Variants in HAPSTR1 observed in about 807,000 individuals in gnomAD.
The protein encoded by HAPSTR1 is HUWE1-associated protein modifying stress responses 1.
At chr16:9,097,075 G>A in the HAPSTR1 span, among the ~76,000 whole-genome samples, 2 of 151,944 alleles carry the variant, frequency 1.3e-5, no homozygotes, top group Non-Finnish European at 2.9e-5. Context: ...CAGTAGCTGG[G>A]ATTACAGGCG....
chr16:9,093,058 T>A, the HAPSTR1 span: 1 of 1,494,118 alleles, frequency 6.7e-7, no homozygotes, highest in South Asian at 1.2e-5. Flanking sequence ...CGTCAGGGTG[T>A]CTGCCCTGCG....
chr16:9,114,573 T>C, the HAPSTR1 span, among the ~76,000 whole-genome samples: 1 of 151,984 alleles, frequency 6.6e-6, no homozygotes, highest in Non-Finnish European at 1.5e-5. Flanking sequence ...TTGCATGATG[T>C]TGGTAGTCGG....
At chr16:9,111,507 G>T in the HAPSTR1 span, 1 of 152,234 alleles carries the variant, frequency 6.6e-6, no homozygotes, top group African/African-American at 2.4e-5. Context: ...GGCATTTTCT[G>T]TGTATTAAGA....
chr16:9,093,397 G>T, the HAPSTR1 span, among the ~76,000 whole-genome samples: 1 of 152,200 alleles, frequency 6.6e-6, no homozygotes, highest in African/African-American at 2.4e-5. Flanking sequence ...GCTGAGCCTT[G>T]CCTCCCTCTG....
the HAPSTR1 span, chr16:9,116,819 C>T: frequency 6.2e-7 from 1 of 1,614,082 alleles, no homozygotes; most frequent in Non-Finnish European, 8.5e-7. Flanking sequence ...TGGCACTCCA[C>T]TTGGACAATG....
chr16:9,105,485 G>C, the HAPSTR1 span: 1 of 152,110 alleles, frequency 6.6e-6, no homozygotes, highest in East Asian at 1.9e-4. Context: ...TAAGGAGAAT[G>C]GTAGTTTAAT....
chr16:9,120,140 G>C, the HAPSTR1 span: 6 of 152,150 alleles, frequency 3.9e-5, no homozygotes, highest in African/African-American at 1.4e-4. Context: ...TGGTGACTGA[G>C]GTATTTAGTC....
chr16:9,091,653 T>C, the HAPSTR1 span: 1 of 397,862 alleles, frequency 2.5e-6, no homozygotes, highest in South Asian at 1.3e-4. Context: ...TGCTCAGTCT[T>C]GGGGTGGGCT....
chr16:9,106,685 T>C, the HAPSTR1 span: 49 of 152,232 alleles, frequency 3.2e-4, no homozygotes, highest in Admixed American at 2.2e-3. Flanking sequence ...TGTTGCTTTT[T>C]TTCCTGTGTC....
At chr16:9,111,116 A>G in the HAPSTR1 span, 4 of 152,192 alleles carry the variant, frequency 2.6e-5, no homozygotes, top group Non-Finnish European at 5.9e-5. Context: ...ATTAATTAGA[A>G]CCAACCTGTT....
At chr16:9,092,144 C>G in the HAPSTR1 span, 2 of 1,558,610 alleles carry the variant, frequency 1.3e-6, no homozygotes, top group Non-Finnish European at 1.7e-6. Flanking sequence ...CGAGGCCGAA[C>G]AGGACGAGCA....
the HAPSTR1 span, among the ~76,000 whole-genome samples, chr16:9,099,564 G>C: frequency 6.6e-6 from 1 of 152,200 alleles, no homozygotes; most frequent in Non-Finnish European, 1.5e-5. Flanking sequence ...TTCAGTGCTT[G>C]TGGAGTTTGC....
At chr16:9,103,133 C>T in the HAPSTR1 span, 1 of 1,614,038 alleles carries the variant, frequency 6.2e-7, no homozygotes, top group Admixed American at 1.7e-5. Flanking sequence ...AAAAGTTCCT[C>T]CACCACGAAA....
chr16:9,099,393 A>C, the HAPSTR1 span, among the ~76,000 whole-genome samples: 1 of 151,974 alleles, frequency 6.6e-6, no homozygotes, highest in African/African-American at 2.4e-5. Flanking sequence ...AGGTTTCACC[A>C]TGTTGGCCAC....
chr16:9,091,857 G>T, the HAPSTR1 span: 1 of 424,466 alleles, frequency 2.4e-6, no homozygotes, highest in Non-Finnish European at 4.0e-6. Context: ...GTCGTCCCTG[G>T]TTGCACGGGG....
chr16:9,103,159 A>G, the HAPSTR1 span: 4 of 1,614,166 alleles, frequency 2.5e-6, no homozygotes, highest in South Asian at 1.1e-5. Flanking sequence ...GAGCTCCCCC[A>G]AGACTGACTG....
the HAPSTR1 span, chr16:9,112,917 G>C: frequency 6.6e-6 from 1 of 151,076 alleles, no homozygotes. Flanking sequence ...TACTTGTTCT[G>C]CTTTTGTCAA....
At chr16:9,108,685 G>C in the HAPSTR1 span, 1 of 152,226 alleles carries the variant, frequency 6.6e-6, no homozygotes, top group South Asian at 2.1e-4. Context: ...ATCGGGATTA[G>C]TAGACTTAAA....
At chr16:9,099,137 A>T in the HAPSTR1 span, among the ~76,000 whole-genome samples, 22 of 86,432 alleles carry the variant, frequency 2.5e-4, no homozygotes, top group Admixed American at 8.0e-4. Context: ...AAAAGCATTT[A>T]AAGAAAAAAA....
Sources: allele counts gnomAD v4.1 joint callset (sites outside exome capture counted in the v4.1 genomes callset), GRCh38; gene constraint gnomAD v4.1.1; transcripts MANE v1.5; gene names NCBI Gene and HGNC (gene_info 2026-07-23, HGNC 2026-07-21).